Variants in KCNK2 observed in about 807,000 individuals in gnomAD.
KCNK2 encodes the protein potassium two pore domain channel subfamily K member 2, also known as potassium channel subfamily K member 2.
A neutral mutation model predicts 40.5 loss-of-function variants in KCNK2; 21 were observed. The observed-to-expected ratio is 0.52, with a 90% CI of 0.37 to 0.75. The LOEUF is 0.75. KCNK2 is among the 30% of genes least tolerant of loss of function. KCNK2 has a pLI of 0.00. For missense variants in KCNK2, 399 were observed against 531.6 expected (o/e 0.75, Z 2.45); for synonymous variants, 191 against 202.2 (o/e 0.94, Z 0.47).
chr1:215,233,222 G>A (rs745648291), intron 6 of KCNK2, among the ~76,000 whole-genome samples: 1 of 151,908 alleles, frequency 6.6e-6, no homozygotes, highest in African/African-American at 2.4e-5. Context: ...ATGCCATAGA[G>A]TTCTCATTTT....
chr1:215,022,023 C>T (rs575140866), intron 1 of KCNK2, among the ~76,000 whole-genome samples: 2 of 146,302 alleles, frequency 1.4e-5, no homozygotes, highest in South Asian at 2.1e-4. Context: ...CCACCAGTTT[C>T]CTTGGTTCTC....
At chr1:215,115,735 T>A (rs899718453) in intron 2 of KCNK2, among the ~76,000 whole-genome samples, 10 of 146,912 alleles carry the variant, frequency 6.8e-5, no homozygotes, top group Admixed American at 3.4e-4. Context: ...CCTTTTTTTT[T>A]TAAAAAAATT....
In KCNK2 at chr1:215,230,092, TACACACACACAC is replaced by T. The variant is rs59050433; in HGVS notation, c.964-4709_964-4698del. ...AGATATATATATCTGTGTGTGTGTA[TACACACACACAC>T]ACACACACACACACACACACACACA... On this transcript the variant is annotated intron_variant, in intron 6 of 6. Transcript: ENST00000444842. Among the ~76,000 whole-genome samples, 881 of 141,092 alleles carry T rather than the reference TACACACACACAC, an allele frequency of 6.2e-3. 12 individuals are homozygous for T. Among genetic ancestry groups the T allele is most frequent in the East Asian group, 0.038 (179 of 4,720 alleles). 92.6% of individuals were successfully genotyped at this position (141,092 alleles called of 152,430 possible). A position where few individuals can be genotyped will look rare whatever the true frequency, so the allele number is the denominator to read the frequency against.
At chr1:215,187,341 C>T (rs1664481957) in intron 5 of KCNK2, among the ~76,000 whole-genome samples, 1 of 152,130 alleles carries the variant, frequency 6.6e-6, no homozygotes, top group Admixed American at 6.6e-5. Flanking sequence ...TCTCTACGTT[C>T]TGTTTCCTAA....
chr1:215,180,845 T>C (rs1446375520), intron 5 of KCNK2, among the ~76,000 whole-genome samples: 1 of 152,138 alleles, frequency 6.6e-6, no homozygotes, highest in African/African-American at 2.4e-5. Flanking sequence ...CTTGGTGATG[T>C]TTGTTTTGTA....
At chr1:215,076,037 A>C (rs1349482170) in intron 1 of KCNK2, among the ~76,000 whole-genome samples, 1 of 152,240 alleles carries the variant, frequency 6.6e-6, no homozygotes, top group African/African-American at 2.4e-5. Context: ...GAAATCTACA[A>C]TTGTAGACAA....
chr1:215,030,558 A>C (rs1657150958), intron 1 of KCNK2, among the ~76,000 whole-genome samples: 1 of 151,568 alleles, frequency 6.6e-6, no homozygotes, highest in Non-Finnish European at 1.5e-5. Context: ...TTTTTGAGAC[A>C]GAGTTTCACT....
chr1:215,209,954 AAT>A (rs1228319058), intron 6 of KCNK2, among the ~76,000 whole-genome samples: 3 of 60,562 alleles, frequency 5.0e-5, no homozygotes, highest in African/African-American at 6.3e-5. Flanking sequence ...AAAATAGGAA[AAT>A]ATATTTTATA....
chr1:215,223,684 A>G (rs1272246958), intron 6 of KCNK2, among the ~76,000 whole-genome samples: 1 of 152,190 alleles, frequency 6.6e-6, no homozygotes, highest in Admixed American at 6.5e-5. Flanking sequence ...AAATCACACC[A>G]CATACTTCTA....
chr1:215,202,421 G>C (rs1665118373), intron 6 of KCNK2, among the ~76,000 whole-genome samples: 2 of 152,202 alleles, frequency 1.3e-5, no homozygotes, highest in South Asian at 2.1e-4. Flanking sequence ...TAGGCAATTG[G>C]AGAGGAGAAT....
chr1:215,067,327 TA>T (rs1658589889), intron 1 of KCNK2, among the ~76,000 whole-genome samples: 1 of 152,188 alleles, frequency 6.6e-6, no homozygotes, highest in African/African-American at 2.4e-5. Context: ...TATAATTTTT[TA>T]AAAAAGTCTC....
chr1:215,153,521 C>A (rs1281055722), intron 3 of KCNK2, among the ~76,000 whole-genome samples: 22 of 151,672 alleles, frequency 1.5e-4, no homozygotes. Flanking sequence ...AATCATTAGG[C>A]CTTTGCATGC....
chr1:215,130,404 A>G (rs1241974222), intron 3 of KCNK2, among the ~76,000 whole-genome samples: 1 of 152,192 alleles, frequency 6.6e-6, no homozygotes, highest in Non-Finnish European at 1.5e-5. Context: ...TTTATGATAG[A>G]CAGCATTAGT....
chr1:215,144,528 T>G (rs919886023), intron 3 of KCNK2, among the ~76,000 whole-genome samples: 1 of 152,174 alleles, frequency 6.6e-6, no homozygotes, highest in African/African-American at 2.4e-5. Context: ...TTATTTCAAG[T>G]AAAATTATAT....
chr1:215,191,358 TC>T (rs1664658255), intron 5 of KCNK2, among the ~76,000 whole-genome samples: 1 of 152,016 alleles, frequency 6.6e-6, no homozygotes, highest in Non-Finnish European at 1.5e-5. Context: ...AATCAATGAT[TC>T]TTTGGAGCCA....
At chr1:215,154,979 A>G (rs1662852287) in intron 3 of KCNK2, among the ~76,000 whole-genome samples, 1 of 151,932 alleles carries the variant, frequency 6.6e-6, no homozygotes. Context: ...TTTAGTATTC[A>G]TATTTATCCT....
chr1:215,131,333 TTA>T (rs1243575612), intron 3 of KCNK2, among the ~76,000 whole-genome samples: 1 of 146,220 alleles, frequency 6.8e-6, no homozygotes, highest in Admixed American at 6.9e-5. Flanking sequence ...ATTTTTATAA[TTA>T]TATAAATATA....
rs530789184 is a variant in KCNK2 at position 215,046,955 on chromosome 1, A to T, written c.35-39413A>T. On this transcript the variant is annotated intron_variant, in intron 1 of 6. Transcript: ENST00000391895. ...TATATCTCTTGTTTCCGGGGTTAAA[A>T]ATATCTCTATAGTGATGTTCTAGAA... Among the ~76,000 whole-genome samples, 275 of 152,244 alleles carry T rather than the reference A, an allele frequency of 1.8e-3. 1 individual carries two copies. Among genetic ancestry groups the T allele is most frequent in the African/African-American group, 6.4e-3 (264 of 41,574 alleles).
At chr1:215,201,653 T>TA (rs1665084938) in intron 6 of KCNK2, among the ~76,000 whole-genome samples, 1 of 152,176 alleles carries the variant, frequency 6.6e-6, no homozygotes, top group Non-Finnish European at 1.5e-5. Flanking sequence ...AGTGCTGTAT[T>TA]GGGTGCTGGG....
Sources: allele counts gnomAD v4.1 joint callset (sites outside exome capture counted in the v4.1 genomes callset), GRCh38; gene constraint gnomAD v4.1.1; transcripts MANE v1.5; gene names NCBI Gene and HGNC (gene_info 2026-07-23, HGNC 2026-07-21).